SEM1: variants seen among roughly 807,000 people sequenced by gnomAD.
SEM1 encodes the protein SEM1 26S proteasome subunit.
SEM1 carries 3 observed loss-of-function variants against 12.7 expected under a neutral mutation model. The observed-to-expected ratio is 0.24, with a 90% CI of 0.11 to 0.61. SEM1 has a LOEUF of 0.61. SEM1 is among the 20% of genes least tolerant of loss of function. The pLI, the probability that SEM1 is intolerant of heterozygous loss-of-function variation, is 0.88. For missense variants in SEM1, 59 were observed against 81.3 expected, an observed-to-expected ratio of 0.73 and a Z score of 1.06; for synonymous variants, 30 against 27.8, an observed-to-expected ratio of 1.08 and a Z score of -0.25.
At chr7:96,668,389 C>T (rs1415869767) in intron 2 of SEM1, among the ~76,000 whole-genome samples, 1 of 152,070 alleles carries the variant, frequency 6.6e-6, no homozygotes, top group African/African-American at 2.4e-5. Context: ...AACAAATACA[C>T]CTCATCACAA....
intron 2 of SEM1, among the ~76,000 whole-genome samples, chr7:96,693,111 T>C (rs1267353070): frequency 1.3e-5 from 2 of 152,070 alleles, no homozygotes; most frequent in East Asian, 1.9e-4. Context: ...AAAAATGCAG[T>C]GTAGGAGCTG....
At chr7:96,682,145 C>A (rs926460793) in intron 2 of SEM1, among the ~76,000 whole-genome samples, 10 of 151,992 alleles carry the variant, frequency 6.6e-5, no homozygotes, top group Admixed American at 1.3e-4. Flanking sequence ...CTCTTTGTAG[C>A]AATTGTGAAT....
At chr7:96,564,224 A>C (rs577785465) in intron 2 of SEM1, among the ~76,000 whole-genome samples, 2 of 151,962 alleles carry the variant, frequency 1.3e-5, no homozygotes, top group African/African-American at 4.8e-5. Flanking sequence ...AATTTTTCTC[A>C]TTATTTATAA....
Position 96,546,972 on chromosome 7 carries a change from A to G in SEM1, c.171-40274T>C, listed in dbSNP as rs547583517. On this transcript the variant is annotated intron_variant and NMD_transcript_variant, in intron 2 of 3. Transcript: ENST00000466986. ...TCGGTTGTAGCTGGCATGAGGACATATATGTATCACATGGGGAACCTGCAA... is the reference window on the plus strand; with the variant it reads ...TCGGTTGTAGCTGGCATGAGGACATGTATGTATCACATGGGGAACCTGCAA... Among the ~76,000 whole-genome samples, 9 of 152,256 alleles carry G rather than the reference A, an allele frequency of 5.9e-5. No individual in the cohort carries two copies. The East Asian group carries it at 1.7e-3, about 29-fold the overall frequency.
At chr7:96,684,154 G>T (rs1438282975), downstream of SEM1, among the ~76,000 whole-genome samples, 1 of 152,062 alleles carries the variant, frequency 6.6e-6, no homozygotes, top group African/African-American at 2.4e-5. Context: ...AACTGCAATA[G>T]TTGTTATATG....
intron 2 of SEM1, among the ~76,000 whole-genome samples, chr7:96,588,915 A>T (rs955033045): frequency 6.6e-6 from 1 of 152,248 alleles, no homozygotes; most frequent in Non-Finnish European, 1.5e-5. Flanking sequence ...TATGTAAACC[A>T]TTTTTTTAAA....
chr7:96,633,928 C>A (rs1477609220), intron 2 of SEM1, among the ~76,000 whole-genome samples: 1 of 152,050 alleles, frequency 6.6e-6, no homozygotes. Context: ...ATGAAAAAGT[C>A]CACTGTGAAT....
chr7:96,620,048 A>G (rs1807841835), downstream of SEM1, among the ~76,000 whole-genome samples: 1 of 152,084 alleles, frequency 6.6e-6, no homozygotes, highest in Non-Finnish European at 1.5e-5. Flanking sequence ...CAGTGGTATT[A>G]TTCTAGATAT....
chr7:96,577,431 T>G, intron 2 of SEM1, among the ~76,000 whole-genome samples: 1 of 152,052 alleles, frequency 6.6e-6, no homozygotes, highest in Admixed American at 6.5e-5. Flanking sequence ...AATTATAAAA[T>G]TATTTATTAT....
downstream of SEM1, among the ~76,000 whole-genome samples, chr7:96,684,201 T>G (rs1335997751): frequency 6.6e-6 from 1 of 152,060 alleles, no homozygotes; most frequent in Non-Finnish European, 1.5e-5. Flanking sequence ...GCTCCCTTAT[T>G]TATATTTGGA....
chr7:96,546,420 T>G (rs916280449), intron 2 of SEM1, among the ~76,000 whole-genome samples: 7 of 152,142 alleles, frequency 4.6e-5, no homozygotes, highest in African/African-American at 1.7e-4. Flanking sequence ...ACTTGTGAAG[T>G]AATACAATCT....
At chr7:96,598,959 A>G (rs1348077343) in intron 2 of SEM1, among the ~76,000 whole-genome samples, 1 of 152,138 alleles carries the variant, frequency 6.6e-6, no homozygotes, top group East Asian at 1.9e-4. Flanking sequence ...AGTATTAGAA[A>G]AGTTCAAGCA....
chr7:96,611,392 C>G (rs1426929788), intron 2 of SEM1, among the ~76,000 whole-genome samples: 1 of 152,170 alleles, frequency 6.6e-6, no homozygotes, highest in Non-Finnish European at 1.5e-5. Context: ...TCTCCTACAT[C>G]ACCTAGGAAG....
intron 1 of SEM1, among the ~76,000 whole-genome samples, chr7:96,495,428 G>A (rs1020342234): frequency 2.6e-5 from 4 of 152,150 alleles, no homozygotes; most frequent in Non-Finnish European, 4.4e-5. Context: ...ATCTGTAGGA[G>A]AGACATTAAC....
intron 1 of SEM1, among the ~76,000 whole-genome samples, chr7:96,704,497 T>G (rs1444297869): frequency 6.6e-6 from 1 of 152,218 alleles, no homozygotes; most frequent in Non-Finnish European, 1.5e-5. Flanking sequence ...GATTTGAACC[T>G]AGGCCTAATC....
Position 96,640,449 on chromosome 7 carries a change from T to A in SEM1, c.171-17806A>T, listed in dbSNP as rs530472886. Among the ~76,000 whole-genome samples, 1 of 152,104 alleles carries A rather than the reference T, an allele frequency of 6.6e-6. No individual in the cohort carries two copies. The highest frequency in any genetic ancestry group is 1.9e-4 in the East Asian group (1 of 5,176). On this transcript the variant is annotated intron_variant, in intron 2 of 2. Coordinates refer to the SEM1 transcript ENST00000417009. The surrounding 1 kb of genome is among the most constrained non-coding windows in gnomAD (Gnocchi z 4.0). ...GACAAAGAGAAAACTTAGGTGCATA[T>A]TACCAAGTGAAGGAAGCTCATCTGA...
intron 2 of SEM1, among the ~76,000 whole-genome samples, chr7:96,597,199 G>A (rs1358966566): frequency 6.6e-6 from 1 of 152,176 alleles, no homozygotes; most frequent in Admixed American, 6.5e-5. Context: ...CTTACGAAAA[G>A]ATATTAGAAA....
chr7:96,694,276 G>A lies in SEM1; in HGVS notation c.170+522C>T, dbSNP rs73228335. On this transcript the variant is annotated intron_variant, in intron 2 of 2. Coordinates refer to ENST00000248566, the MANE Select transcript of SEM1 (RefSeq NM_006304.2). ...ATACTGGAACTAAATAGAGATGATG[G>A]TTGCACAATATTGAGGATGTACTAG... Among the ~76,000 whole-genome samples, 615 of 152,016 alleles carry A rather than the reference G, an allele frequency of 4.0e-3. 2 individuals carry two copies. The highest frequency in any genetic ancestry group is 6.3e-3 in the Non-Finnish European group (430 of 67,850).
At chr7:96,659,023 T>G (rs1208372502) in intron 2 of SEM1, among the ~76,000 whole-genome samples, 1 of 152,098 alleles carries the variant, frequency 6.6e-6, no homozygotes, top group African/African-American at 2.4e-5. Context: ...ATTGTGGATG[T>G]CTCAGAAAAC....
Sources: allele counts gnomAD v4.1 joint callset (sites outside exome capture counted in the v4.1 genomes callset), GRCh38; gene constraint gnomAD v4.1.1; non-coding constraint Gnocchi (gnomAD v3.1); transcripts MANE v1.5; gene names NCBI Gene and HGNC (gene_info 2026-07-23, HGNC 2026-07-21).